The following AZGP1 variants were observed in gnomAD, a reference collection of about 807,000 sequenced individuals.
The protein encoded by AZGP1 is zinc-alpha-2-glycoprotein.
AZGP1 carries 28 observed loss-of-function variants against 31.5 expected under a neutral mutation model. That is an observed-to-expected ratio of 0.89 (90% confidence interval 0.66 to 1.22). AZGP1 has a LOEUF of 1.22. Ranked by LOEUF, AZGP1 falls within the 50% of genes most tolerant of loss-of-function variation. The pLI is 0.00. For synonymous variants in AZGP1, 135 were observed against 145.4 expected, an observed-to-expected ratio of 0.93 and a Z score of 0.51; for missense variants, 361 against 371.8, an observed-to-expected ratio of 0.97 and a Z score of 0.24.
chr7:99,968,625 G>C (rs1789530693), intron 2 of AZGP1, 195 bp from the exon 3 acceptor site: 1 of 692,768 alleles, frequency 1.4e-6, no homozygotes, highest in Admixed American at 3.1e-5. Flanking sequence ...ACTCAGTTTG[G>C]TTTGGCATTT....
At chr7:99,968,069 A>G in intron 3 of AZGP1, 86 bp downstream of exon 3, 1 of 1,532,698 alleles carries the variant, frequency 6.5e-7, no homozygotes, top group Non-Finnish European at 9.0e-7. Flanking sequence ...AACAGATGAG[A>G]CCGGACTAAG....
intron 2 of AZGP1, among the ~76,000 whole-genome samples, chr7:99,969,138 G>A (rs533408907): frequency 3.3e-5 from 5 of 152,100 alleles, no homozygotes; most frequent in African/African-American, 1.2e-4. Flanking sequence ...GCTGGACGCA[G>A]TGGCTCATGC....
chr7:99,970,255 T>C (rs111914925), intron 2 of AZGP1, among the ~76,000 whole-genome samples: 1 of 118,270 alleles, frequency 8.5e-6, no homozygotes, highest in Non-Finnish European at 1.8e-5. Flanking sequence ...TTTTGTTTTT[T>C]GTTTTTAGAC....
intron 2 of AZGP1, among the ~76,000 whole-genome samples, chr7:99,970,236 TTTTTTG>T (rs1209184864): frequency 8.3e-5 from 3 of 36,258 alleles, no homozygotes; most frequent in African/African-American, 5.9e-4. Context: ...ATTATTTCCT[TTTTTTG>T]TTTTTTGTTT....
Position 99,976,006 on chromosome 7 carries a change from C to T in AZGP1, c.15G>A (p.Val5=). Residue 5 remains valine, a synonymous_variant, in exon 1 of 4, where the codon GTG becomes GTA. Coordinates refer to ENST00000292401, the MANE Select transcript of AZGP1 (RefSeq NM_001185.4). ...GCAGCAGCAGAGACAGCAGGACAGG[C>T]ACCATTCTTACCATTGTGTCTGCTT... MVRM[V]PVLLSLLLLL... 1 of 1,614,112 alleles carries T rather than the reference C, an allele frequency of 6.2e-7. No individual in the cohort carries two copies. The highest frequency in any genetic ancestry group is 1.1e-5 in the South Asian group (1 of 91,080).
At chr7:99,972,144 A>G in intron 1 of AZGP1, 138 bp from the exon 2 acceptor site, 1 of 973,722 alleles carries the variant, frequency 1.0e-6, no homozygotes. Flanking sequence ...ACACCACTGG[A>G]GGCTCACTCA....
intron 2 of AZGP1, among the ~76,000 whole-genome samples, chr7:99,968,962 C>CAAA (rs869115613): frequency 0.046 from 1,224 of 26,682 alleles, 457 homozygotes; most frequent in East Asian, 0.22. Context: ...GACCCTATCT[C>CAAA]AAAAAAAAAA....
intron 2 of AZGP1, among the ~76,000 whole-genome samples, chr7:99,971,312 G>T (rs1175405013): frequency 6.6e-6 from 1 of 152,196 alleles, no homozygotes; most frequent in Non-Finnish European, 1.5e-5. Flanking sequence ...GATATTTTGG[G>T]AACGTTTCAC....
At chr7:99,970,819 T>A (rs919973145) in intron 2 of AZGP1, among the ~76,000 whole-genome samples, 4 of 152,230 alleles carry the variant, frequency 2.6e-5, no homozygotes, top group Non-Finnish European at 4.4e-5. Context: ...TTGTACTTAG[T>A]AGCCCATCTT....
intron 1 of AZGP1, among the ~76,000 whole-genome samples, chr7:99,975,334 C>T (rs1173242002): frequency 6.6e-6 from 1 of 152,124 alleles, no homozygotes; most frequent in African/African-American, 2.4e-5. Flanking sequence ...ACTGAGAAGC[C>T]ATTCGCTTCC....
intron 2 of AZGP1, among the ~76,000 whole-genome samples, chr7:99,968,962 CAAAAAAAAAAA>C (rs869115613): frequency 1.3e-3 from 34 of 26,698 alleles, no homozygotes; most frequent in South Asian, 3.5e-3. Context: ...GACCCTATCT[CAAAAAAAAAAA>C]AAAAAAAAAA....
intron 1 of AZGP1, 26 bp from the exon 2 acceptor site, chr7:99,972,032 T>A: frequency 6.3e-7 from 1 of 1,581,174 alleles, no homozygotes; most frequent in Non-Finnish European, 8.6e-7. Context: ...TTCTGATGGT[T>A]GAGGTCCATG....
At position 99,974,180 on chromosome 7, in the gene AZGP1, C is replaced by T. The variant is rs893562232; in HGVS notation, c.76+1765G>A. ...AAGATAATTGCTTGAACCCAACAGGCGGAGGTTTGCAGTAAGCCAAGATCA... is the reference window on the plus strand; with the variant it reads ...AAGATAATTGCTTGAACCCAACAGGTGGAGGTTTGCAGTAAGCCAAGATCA... On this transcript the variant is annotated intron_variant, in intron 1 of 3. Transcript: ENST00000292401. 3.3e-5 allele frequency among the ~76,000 whole-genome samples: 5 copies of T among 151,844 alleles called. No individual in the cohort carries two copies. In the South Asian group the frequency reaches 8.3e-4, roughly 25 times the overall value.
intron 1 of AZGP1, among the ~76,000 whole-genome samples, chr7:99,975,346 T>C (rs1012092689): frequency 6.6e-6 from 1 of 152,188 alleles, no homozygotes; most frequent in Admixed American, 6.5e-5. Flanking sequence ...TTCGCTTCCA[T>C]GTCTTTATCC....
chr7:99,975,414 C>A (rs1584302718), intron 1 of AZGP1, among the ~76,000 whole-genome samples: 1 of 152,148 alleles, frequency 6.6e-6, no homozygotes, highest in East Asian at 1.9e-4. Flanking sequence ...GACTCTTGAT[C>A]TCCCGGAGCT....
rs879147313 is a variant in AZGP1 at position 99,967,290 on chromosome 7, T to C, written c.614-4A>G. 1.9e-6 allele frequency: 3 copies of C among 1,610,608 alleles called. No individual in the cohort carries two copies. In the African/African-American group the frequency reaches 4.0e-5, roughly 22 times the overall value. On this transcript the variant is annotated splice_polypyrimidine_tract_variant and splice_region_variant and intron_variant, in intron 3 of 3. Coordinates refer to ENST00000292401, the MANE Select transcript of AZGP1 (RefSeq NM_001185.4). ...GTGACCACCACAGAGGGAGGATCTGTGGAGGGATAGAGTGTGACACTGCAG... is the reference window on the plus strand; with the variant it reads ...GTGACCACCACAGAGGGAGGATCTGCGGAGGGATAGAGTGTGACACTGCAG...
chr7:99,973,378 C>A (rs1006509769), intron 1 of AZGP1, among the ~76,000 whole-genome samples: 7 of 152,084 alleles, frequency 4.6e-5, no homozygotes, highest in Non-Finnish European at 8.8e-5. Flanking sequence ...TGTTGGAGGT[C>A]ATATGGCAGA....
chr7:99,967,773 G>A (rs1789507963), intron 3 of AZGP1: 2 of 497,242 alleles, frequency 4.0e-6, no homozygotes, highest in East Asian at 3.5e-5. Context: ...CACCCAGATG[G>A]GAGGCATCAT....
intron 3 of AZGP1, 108 bp downstream of exon 3, chr7:99,968,047 G>A (rs1464662325): frequency 4.9e-6 from 7 of 1,416,340 alleles, no homozygotes; most frequent in Non-Finnish European, 6.9e-6. Context: ...GGGGGTCTGA[G>A]GGACATCCAG....
Sources: gnomAD v4.1 joint callset for allele counts (sites outside exome capture counted in the v4.1 genomes callset) on GRCh38, gnomAD v4.1.1 for gene constraint, MANE v1.5 for transcripts, NCBI Gene and HGNC (gene_info 2026-07-23, HGNC 2026-07-21) for gene names.